SFMBT2: variants seen among roughly 807,000 people sequenced by gnomAD.
SFMBT2 encodes the protein Scm like with four mbt domains 2, also known as scm-like with four MBT domains protein 2.
A neutral mutation model predicts 110.1 loss-of-function variants in SFMBT2; 38 were observed. The ratio of observed to expected loss-of-function variants is 0.35; its 90% CI spans 0.27 to 0.45. The LOEUF is 0.45. Ranked by LOEUF, SFMBT2 falls within the 20% of genes least tolerant of loss-of-function variation. SFMBT2 has a pLI of 1.00. For missense variants in SFMBT2, 1,011 were observed against 1,094.9 expected (o/e 0.92, Z 1.08); for synonymous variants, 425 against 425.4 (o/e 1.00, Z 0.01).
intron 2 of SFMBT2, chr10:7,370,733 G>T: frequency 1.6e-6 from 1 of 641,214 alleles, no homozygotes; most frequent in Non-Finnish European, 1.9e-6. Context: ...AGGACAAGGC[G>T]AAGGAACCCA....
chr10:7,318,349 T>TG (rs1843075256), intron 4 of SFMBT2, among the ~76,000 whole-genome samples: 2 of 152,242 alleles, frequency 1.3e-5, no homozygotes, highest in African/African-American at 4.8e-5. Context: ...ATCCTTCATA[T>TG]CTTTTTATGT....
intron 7 of SFMBT2, among the ~76,000 whole-genome samples, chr10:7,267,002 A>T (rs1162078947): frequency 6.6e-6 from 1 of 152,178 alleles, no homozygotes; most frequent in African/African-American, 2.4e-5. Flanking sequence ...CCTAAATATA[A>T]GAGTGGTTTG....
At chr10:7,309,200 C>T (rs928627390) in intron 4 of SFMBT2, among the ~76,000 whole-genome samples, 1 of 152,230 alleles carries the variant, frequency 6.6e-6, no homozygotes, top group African/African-American at 2.4e-5. Flanking sequence ...AAAGGGCTAA[C>T]CTTATTCCTG....
At chr10:7,281,255 T>C (rs766456791) in intron 6 of SFMBT2, among the ~76,000 whole-genome samples, 4 of 151,892 alleles carry the variant, frequency 2.6e-5, no homozygotes, top group Non-Finnish European at 5.9e-5. Flanking sequence ...CAAAAATAAA[T>C]AAATAAATAG....
chr10:7,201,548 G>T (rs1253102729), intron 13 of SFMBT2, among the ~76,000 whole-genome samples: 1 of 152,138 alleles, frequency 6.6e-6, no homozygotes. Flanking sequence ...CTACAGAGCT[G>T]CTCTTCTCAT....
chr10:7,359,154 C>T (rs1444409203), intron 4 of SFMBT2, among the ~76,000 whole-genome samples: 4 of 152,218 alleles, frequency 2.6e-5, no homozygotes, highest in Non-Finnish European at 5.9e-5. Context: ...CGAGCTGTGC[C>T]CGGGGGCCTT....
chr10:7,380,316 G>A (rs1845385035), intron 2 of SFMBT2, among the ~76,000 whole-genome samples: 1 of 152,190 alleles, frequency 6.6e-6, no homozygotes, highest in African/African-American at 2.4e-5. Flanking sequence ...AAATCTGAAA[G>A]AGGGACAAAT....
intron 11 of SFMBT2, among the ~76,000 whole-genome samples, chr10:7,211,954 G>A (rs972144529): frequency 6.6e-6 from 1 of 152,110 alleles, no homozygotes; most frequent in African/African-American, 2.4e-5. Flanking sequence ...AACATACAAG[G>A]TGGGCTCAGA....
chr10:7,261,414 T>G (rs1841197729), intron 7 of SFMBT2, among the ~76,000 whole-genome samples: 1 of 152,178 alleles, frequency 6.6e-6, no homozygotes, highest in Non-Finnish European at 1.5e-5. Flanking sequence ...CCTGTCCCAT[T>G]GTTTATAGAC....
At chr10:7,365,321 C>G (rs376629508) in intron 4 of SFMBT2, among the ~76,000 whole-genome samples, 10 of 152,230 alleles carry the variant, frequency 6.6e-5, no homozygotes, top group African/African-American at 2.2e-4. Flanking sequence ...GGAGAGCGCA[C>G]GTGCTTCCTC....
intron 1 of SFMBT2, among the ~76,000 whole-genome samples, chr10:7,388,668 A>G (rs72775569): frequency 0.026 from 3,907 of 151,192 alleles, 89 homozygotes; most frequent in Non-Finnish European, 0.038. Flanking sequence ...GAGCCACCAC[A>G]CCCCACCAGA....
Position 7,171,892 on chromosome 10 carries a change from C to T in SFMBT2, c.2415+3G>A. The T allele has an allele frequency of 7.1e-7, 1 of 1,414,754 alleles. No homozygotes were observed. Among genetic ancestry groups the T allele is most frequent in the African/African-American group, 1.5e-5 (1 of 67,680 alleles). The allele number at this position is 1,414,754 out of a possible 1,614,324, so 87.6% of individuals were successfully genotyped here. A position where few individuals can be genotyped will look rare whatever the true frequency, so the allele number is the denominator to read the frequency against. ...GCCCTCTGTCCCCACGCCCGGGCAT[C>T]ACCTCTGTCCCCTCGGGCTTGGTCG... On this transcript the variant is annotated splice_donor_region_variant and intron_variant, in intron 19 of 20. Transcript: ENST00000397167. This position sits in a 1 kb window ranked among gnomAD's most constrained non-coding sequence, Gnocchi z 4.9.
rs556750581 is a variant in SFMBT2 at position 7,164,009 on chromosome 10, G to C, written c.2545-99C>G. On this transcript the variant is annotated intron_variant, in intron 20 of 20. Coordinates refer to ENST00000397167, the MANE Select transcript of SFMBT2 (RefSeq NM_001387889.1). ...CAGTCCGGGGCCAAACATGACAACA[G>C]GATGCTCTTGTTTCATTCAATTCAG... The C allele has an allele frequency of 2.1e-6, 3 of 1,461,782 alleles. No homozygotes were observed. In the East Asian group the frequency reaches 7.5e-5, roughly 36 times the overall value. The allele number at this position is 1,461,782 out of a possible 1,614,324, so 90.6% of individuals were successfully genotyped here.
chr10:7,377,140 G>T (rs1389589998), intron 2 of SFMBT2, among the ~76,000 whole-genome samples: 1 of 127,836 alleles, frequency 7.8e-6, no homozygotes, highest in Admixed American at 9.5e-5. Context: ...TTGCACTCCA[G>T]CCTGGGAGAC....
At chr10:7,361,001 T>C (rs1844696770) in intron 4 of SFMBT2, among the ~76,000 whole-genome samples, 1 of 152,244 alleles carries the variant, frequency 6.6e-6, no homozygotes, top group Admixed American at 6.5e-5. Context: ...TTTAATAAAA[T>C]ATCTAACTAT....
chr10:7,228,996 A>G (rs1332347399), intron 9 of SFMBT2, among the ~76,000 whole-genome samples: 2 of 152,134 alleles, frequency 1.3e-5, no homozygotes, highest in African/African-American at 4.8e-5. Context: ...CAGGCAAGGA[A>G]AAAGGAGTGA....
At chr10:7,252,438 G>T (rs2131743429) in intron 7 of SFMBT2, among the ~76,000 whole-genome samples, 1 of 152,236 alleles carries the variant, frequency 6.6e-6, no homozygotes, top group South Asian at 2.1e-4. Context: ...ACATCTCTAG[G>T]TTAAGAGGGG....
intron 14 of SFMBT2, among the ~76,000 whole-genome samples, chr10:7,199,017 TG>T (rs1838867166): frequency 6.6e-6 from 1 of 152,236 alleles, no homozygotes; most frequent in African/African-American, 2.4e-5. Context: ...CTCACTTTGT[TG>T]CCCAGGCTGG....
At chr10:7,323,901 A>G (rs1250965006) in intron 4 of SFMBT2, among the ~76,000 whole-genome samples, 1 of 152,170 alleles carries the variant, frequency 6.6e-6, no homozygotes, top group East Asian at 1.9e-4. Context: ...AGACATAGGC[A>G]GAGACAGAGA....
Sources: gnomAD v4.1 joint callset for allele counts (sites outside exome capture counted in the v4.1 genomes callset) on GRCh38, gnomAD v4.1.1 for gene constraint, Gnocchi (gnomAD v3.1) non-coding constraint, MANE v1.5 for transcripts, NCBI Gene and HGNC (gene_info 2026-07-23, HGNC 2026-07-21) for gene names.